Variants in SLC8A1 observed in about 807,000 individuals in gnomAD.
SLC8A1 encodes the protein sodium/calcium exchanger 1.
Under a neutral mutation model 68.3 loss-of-function variants are expected in SLC8A1, and 18 were observed. The ratio of observed to expected loss-of-function variants is 0.26; its 90% CI spans 0.18 to 0.39. The LOEUF (loss-of-function observed/expected upper bound fraction) is 0.39. Ranked by LOEUF, SLC8A1 falls within the 10% of genes least tolerant of loss-of-function variation. The pLI is 1.00. For missense variants in SLC8A1, 985 were observed against 1,156.7 expected (o/e 0.85, Z 2.15); for synonymous variants, 475 against 415.5 (o/e 1.14, Z -1.74).
chr2:40,212,890 G>A (rs1440001791), intron 2 of SLC8A1, among the ~76,000 whole-genome samples: 1 of 151,286 alleles, frequency 6.6e-6, no homozygotes, highest in East Asian at 1.9e-4. Flanking sequence ...ATAAATTTAG[G>A]GCAACAAAGC....
chr2:40,117,471 A>G (rs1196158280), intron 7 of SLC8A1, among the ~76,000 whole-genome samples: 12 of 150,016 alleles, frequency 8.0e-5, no homozygotes, highest in African/African-American at 2.9e-4. Flanking sequence ...AGGCTGAAGC[A>G]TGAGAATTGC....
intron 2 of SLC8A1, among the ~76,000 whole-genome samples, chr2:40,388,299 G>A (rs1399237001): frequency 6.6e-6 from 1 of 152,142 alleles, no homozygotes; most frequent in African/African-American, 2.4e-5. Flanking sequence ...ATGTGTGTGT[G>A]TCCCCGTGAA....
At chr2:40,333,387 G>A (rs2076626108) in intron 2 of SLC8A1, among the ~76,000 whole-genome samples, 1 of 138,664 alleles carries the variant, frequency 7.2e-6, no homozygotes, top group Non-Finnish European at 1.5e-5. Flanking sequence ...GCAGTGGGCC[G>A]AGATCGCACC....
chr2:40,172,846 G>A (rs532396163), intron 4 of SLC8A1, among the ~76,000 whole-genome samples: 1 of 152,262 alleles, frequency 6.6e-6, no homozygotes, highest in South Asian at 2.1e-4. Flanking sequence ...GGAGGCTGAG[G>A]CAGGAGAATC....
intron 6 of SLC8A1, among the ~76,000 whole-genome samples, chr2:40,151,142 A>C (rs2043340503): frequency 6.6e-6 from 1 of 152,236 alleles, no homozygotes; most frequent in Admixed American, 6.5e-5. Flanking sequence ...TTGCAAATAC[A>C]CAGATAAATA....
At chr2:40,347,581 G>C (rs1252983673) in intron 2 of SLC8A1, among the ~76,000 whole-genome samples, 1 of 152,018 alleles carries the variant, frequency 6.6e-6, no homozygotes, top group East Asian at 1.9e-4. Context: ...AGAGGTGTTG[G>C]GAATATTCCA....
intron 4 of SLC8A1, among the ~76,000 whole-genome samples, chr2:40,171,974 G>C (rs561907787): frequency 1.3e-5 from 2 of 152,320 alleles, no homozygotes; most frequent in South Asian, 4.1e-4. Flanking sequence ...CTGTGGATCA[G>C]ACGATTTTTT....
At chr2:40,311,778 C>T (rs1013263675) in intron 2 of SLC8A1, among the ~76,000 whole-genome samples, 3 of 151,950 alleles carry the variant, frequency 2.0e-5, no homozygotes, top group African/African-American at 7.2e-5. Context: ...TAAAAATAGA[C>T]TTTGTTTTGA....
At chr2:40,404,111 G>T (rs1364831087) in intron 2 of SLC8A1, among the ~76,000 whole-genome samples, 1 of 152,068 alleles carries the variant, frequency 6.6e-6, no homozygotes, top group African/African-American at 2.4e-5. Context: ...GACCAGGTTG[G>T]TTTTGAGATT....
At chr2:40,442,750 C>G (rs1045206705) in intron 1 of SLC8A1, among the ~76,000 whole-genome samples, 3 of 152,160 alleles carry the variant, frequency 2.0e-5, no homozygotes, top group African/African-American at 7.2e-5. Context: ...AATCCCATTA[C>G]TGAGTAAATA....
At chr2:40,243,686 G>T (rs1201458093) in intron 2 of SLC8A1, among the ~76,000 whole-genome samples, 1 of 152,106 alleles carries the variant, frequency 6.6e-6, no homozygotes, top group East Asian at 1.9e-4. Flanking sequence ...GTGTATTTTT[G>T]GAAGGGTATT....
intron 1 of SLC8A1, among the ~76,000 whole-genome samples, chr2:40,463,649 G>A (rs1187019900): frequency 6.6e-6 from 1 of 151,746 alleles, no homozygotes; most frequent in Non-Finnish European, 1.5e-5. Flanking sequence ...CCTTGTCTGG[G>A]GTCTCCTGTG....
At chr2:40,144,621 A>G (rs2042125523) in intron 6 of SLC8A1, among the ~76,000 whole-genome samples, 1 of 151,234 alleles carries the variant, frequency 6.6e-6, no homozygotes, top group Non-Finnish European at 1.5e-5. Context: ...TAATATTTGT[A>G]TTCTAATACT....
intron 1 of SLC8A1, among the ~76,000 whole-genome samples, chr2:40,476,807 T>G (rs1375197700): frequency 6.6e-6 from 1 of 152,078 alleles, no homozygotes; most frequent in Non-Finnish European, 1.5e-5. Flanking sequence ...TTTATGAGAG[T>G]GCAAAAAGCC....
chr2:40,229,966 C>G (rs2148890312), intron 2 of SLC8A1, among the ~76,000 whole-genome samples: 1 of 152,168 alleles, frequency 6.6e-6, no homozygotes, highest in East Asian at 1.9e-4. Flanking sequence ...TGTTATTGTT[C>G]TATGAAAAAT....
intron 2 of SLC8A1, among the ~76,000 whole-genome samples, chr2:40,269,389 G>A (rs1574942381): frequency 6.6e-6 from 1 of 152,210 alleles, no homozygotes; most frequent in South Asian, 2.1e-4. Flanking sequence ...CCACTTCGAA[G>A]AAAATGGATT....
chr2:40,335,001 C>G (rs1238550799), intron 2 of SLC8A1, among the ~76,000 whole-genome samples: 3 of 152,104 alleles, frequency 2.0e-5, no homozygotes, highest in Non-Finnish European at 2.9e-5. Context: ...GCCAAAAAGC[C>G]AAAAACTCTA....
At position 40,132,692 on chromosome 2, in the gene SLC8A1, T is replaced by C. The variant is rs553424398; in HGVS notation, c.2437+6709A>G. Among the ~76,000 whole-genome samples, 28 of 152,298 alleles carry C rather than the reference T, an allele frequency of 1.8e-4. 1 individual carries two copies. The South Asian group carries it at 5.4e-3, about 29-fold the overall frequency. On this transcript the variant is annotated intron_variant, in intron 7 of 7. Coordinates refer to ENST00000406785, the Ensembl canonical transcript of SLC8A1. ...TTCTCAGTTACTAAAAATAATATAA[T>C]GTTTTGTAGCACAGTGCTGAACAAA...
chr2:40,174,753 T>C, intron 4 of SLC8A1, 33 bp from the exon 6 acceptor site: 1 of 1,573,838 alleles, frequency 6.4e-7, no homozygotes, highest in Non-Finnish European at 8.7e-7. Flanking sequence ...TGAGAAATTT[T>C]TTTTAATGTA....
Sources: allele counts gnomAD v4.1 joint callset (sites outside exome capture counted in the v4.1 genomes callset), GRCh38; gene constraint gnomAD v4.1.1; transcripts MANE v1.5; gene names NCBI Gene and HGNC (gene_info 2026-07-23, HGNC 2026-07-21).